The following MDN1 variants were observed in gnomAD, a reference collection of about 807,000 sequenced individuals.
The protein encoded by MDN1 is midasin AAA ATPase 1.
In MDN1, 266 loss-of-function variants were observed where a neutral mutation model predicts 669.2. The ratio of observed to expected loss-of-function variants is 0.40; its 90% CI spans 0.36 to 0.44. The LOEUF is 0.44. MDN1 is among the 20% of genes least tolerant of loss of function. MDN1 has a pLI of 1.00. For synonymous variants in MDN1, 2,385 were observed against 2,457.1 expected, an observed-to-expected ratio of 0.97 and a Z score of 0.87; for missense variants, 5,940 against 6,754.0, an observed-to-expected ratio of 0.88 and a Z score of 4.22.
At chr6:89,706,344 A>G (rs1399276241) in intron 52 of MDN1, 152 bp from the exon 53 acceptor site, 4 of 680,784 alleles carry the variant, frequency 5.9e-6, no homozygotes, top group African/African-American at 3.6e-5. Context: ...TTCTTTGCCT[A>G]CTACAGGTTG....
At chr6:89,818,937 T>G (rs977197127) in intron 1 of MDN1, among the ~76,000 whole-genome samples, 2 of 152,216 alleles carry the variant, frequency 1.3e-5, no homozygotes, top group African/African-American at 4.8e-5. Context: ...ACAGTGAGTA[T>G]GAGCTGTCTT....
chr6:89,685,790 C>T (rs758965584), intron 70 of MDN1, 37 bp downstream of exon 70: 15 of 1,601,444 alleles, frequency 9.4e-6, no homozygotes, highest in South Asian at 3.4e-5. Context: ...TCATTTTAGT[C>T]GTGCAATGTC....
At chr6:89,725,930 T>TACACACACACACACACAC (rs71024397) in intron 37 of MDN1, among the ~76,000 whole-genome samples, 1 of 147,478 alleles carries the variant, frequency 6.8e-6, no homozygotes, top group African/African-American at 2.5e-5. Context: ...TGGTATTTTA[T>TACACACACACACACACAC]ACACACACAC....
intron 35 of MDN1, among the ~76,000 whole-genome samples, chr6:89,730,075 C>A (rs116887248): frequency 0.01 from 1,539 of 152,256 alleles, 14 homozygotes; most frequent in Middle Eastern, 0.034. Context: ...GAAACAACAT[C>A]CTGAAAAAGT....
In MDN1 at chr6:89,693,031, G is replaced by T. The variant is rs1339818334; in HGVS notation, c.9999C>A (p.Tyr3333Ter). 6.2e-7 allele frequency: 1 copy of T among 1,614,210 alleles called. No homozygotes were observed. The change falls in exon 63 of 102, where the codon TAC (tyrosine) becomes TAA (stop). Residue 3333 changes from tyrosine (Y) to a stop codon, truncating the protein, a stop_gained. Coordinates refer to ENST00000369393, the MANE Select transcript of MDN1 (RefSeq NM_014611.3). LOFTEE classifies it high-confidence loss of function. The stretch of plus-strand genomic sequence containing the variant: ...CAGGGGCCTTGGCGATGCTGGTGAC[G>T]TAGTGGTGGATCTCCTGAACCAGGG... ...YESLVQEIHH[Y>*]VTSIAKAPAV...
At chr6:89,753,914 A>C (rs1316809629) in intron 21 of MDN1, among the ~76,000 whole-genome samples, 169 bp downstream of exon 21, 1 of 152,206 alleles carries the variant, frequency 6.6e-6, no homozygotes, top group Non-Finnish European at 1.5e-5. Flanking sequence ...TTTTAAAATA[A>C]AAAGTAAAAT....
At chr6:89,741,345 A>C (rs1002093294) in intron 31 of MDN1, among the ~76,000 whole-genome samples, 20 of 152,118 alleles carry the variant, frequency 1.3e-4, no homozygotes, top group East Asian at 1.9e-4. Context: ...GTAAAAAAAA[A>C]CACAAAAACC....
In MDN1 at chr6:89,674,147, C is replaced by T. The variant is rs367773841; in HGVS notation, c.13204G>A (p.Asp4402Asn). 5 of 1,614,136 alleles carry T rather than the reference C, an allele frequency of 3.1e-6. No individual in the cohort carries two copies. The highest frequency in any genetic ancestry group is 1.7e-5 in the Admixed American group (1 of 60,022). The change falls in exon 79 of 102, where the codon GAC (aspartate) becomes AAC (asparagine). Residue 4402 changes from aspartate (D) to asparagine (N), a missense_variant. This residue lies in a region of MDN1 where 2,280 missense variants were observed against 2,576.3 expected (regional missense o/e 0.88). Transcript: ENST00000369393. ...KTIKTVKADV[D>N]KIRQQSCETL... ...TCACAAGACTGCTGTCTAATTTTGT[C>T]GACGTCAGCTTTCACTGTTTTAATG... is the stretch of plus-strand genomic sequence containing the variant.
intron 90 of MDN1, among the ~76,000 whole-genome samples, chr6:89,657,963 G>A (rs1231575392): frequency 6.6e-6 from 1 of 152,192 alleles, no homozygotes; most frequent in Admixed American, 6.5e-5. Flanking sequence ...TACACGCTAT[G>A]GTGTTCGCAC....
In MDN1 at chr6:89,668,009, C is replaced by T. The variant is rs764530753; in HGVS notation, c.14094+5G>A. 2.5e-5 allele frequency: 41 copies of T among 1,612,904 alleles called. No individual in the cohort carries two copies. The highest frequency in any genetic ancestry group is 1.7e-4 in the Admixed American group (10 of 59,896). ...TGTCAACTGTATACCTATGTGAAAA[C>T]GTACCTGTTCTTCATTTCCGATCTG... On this transcript the variant is annotated splice_donor_5th_base_variant and intron_variant, in intron 84 of 101. Coordinates refer to ENST00000369393, the MANE Select transcript of MDN1 (RefSeq NM_014611.3).
intron 53 of MDN1, among the ~76,000 whole-genome samples, chr6:89,703,884 G>A (rs1388418675): frequency 1.2e-4 from 18 of 151,564 alleles, no homozygotes; most frequent in Admixed American, 3.3e-4. Context: ...GTGGTGGCAC[G>A]CGCCTGTAAT....
chr6:89,788,353 G>A (rs1819078101), intron 7 of MDN1, among the ~76,000 whole-genome samples: 1 of 152,178 alleles, frequency 6.6e-6, no homozygotes, highest in Admixed American at 6.5e-5. Context: ...TTAGAAGCAG[G>A]GCAGTGAAGT....
rs116708537 is a variant in MDN1, at chr6:89,733,454, G to C, written c.4724-679C>G. On this transcript the variant is annotated intron_variant, in intron 33 of 101. Transcript: ENST00000369393. ...TATAAAACGTCTTAAGTCAACAACAGTAGACATTTATCTCTAAAGTATGAA... is the reference window on the plus strand; with the variant it reads ...TATAAAACGTCTTAAGTCAACAACACTAGACATTTATCTCTAAAGTATGAA... Among the ~76,000 whole-genome samples the C allele has an allele frequency of 1.7e-3, 264 of 151,820 alleles. 1 individual carries two copies. The highest frequency in any genetic ancestry group is 5.9e-3 in the African/African-American group (243 of 41,494).
At chr6:89,692,259 T>C (rs1812422032) in intron 63 of MDN1, among the ~76,000 whole-genome samples, 184 bp downstream of exon 63, 1 of 152,060 alleles carries the variant, frequency 6.6e-6, no homozygotes, top group Non-Finnish European at 1.5e-5. Flanking sequence ...TCTTAAAAAT[T>C]GAGAGGCAAA....
chr6:89,730,373 T>A (rs988404604), intron 35 of MDN1, among the ~76,000 whole-genome samples: 3 of 152,234 alleles, frequency 2.0e-5, no homozygotes, highest in African/African-American at 4.8e-5. Flanking sequence ...ATAGTTAAGA[T>A]ACATTATAGG....
rs1400507892 is a variant in MDN1 at position 89,675,978 on chromosome 6, T to C, written c.12645+124A>G. ...TTATATTTTAAGTTTAAGGATGTAC[T>C]GCAAAAAGCTCAGTTCCACTAACAG... On this transcript the variant is annotated intron_variant, in intron 77 of 101. Transcript: ENST00000369393. The C allele has an allele frequency of 2.6e-5, 20 of 780,978 alleles. No individual in the cohort carries two copies. In the East Asian group the frequency reaches 5.0e-4, roughly 20 times the overall value. 48.4% of individuals were successfully genotyped at this position (780,978 alleles called of 1,614,324 possible). A position where few individuals can be genotyped will look rare whatever the true frequency, so the allele number is the denominator to read the frequency against.
chr6:89,674,676 G>A, intron 78 of MDN1, 87 bp from the exon 79 acceptor site: 1 of 1,473,308 alleles, frequency 6.8e-7, no homozygotes, highest in East Asian at 2.3e-5. Flanking sequence ...TTGTGTTTCT[G>A]AACAAGCATG....
chr6:89,788,563 A>G (rs1819088800), intron 7 of MDN1, among the ~76,000 whole-genome samples: 1 of 152,194 alleles, frequency 6.6e-6, no homozygotes, highest in African/African-American at 2.4e-5. Flanking sequence ...CAGCAGAAAG[A>G]TGTAAGGCTT....
chr6:89,704,793 G>A (rs556494967), intron 53 of MDN1, among the ~76,000 whole-genome samples: 3 of 152,274 alleles, frequency 2.0e-5, no homozygotes, highest in Admixed American at 6.5e-5. Flanking sequence ...TGTTAGCCAG[G>A]ATGGCCTTGA....
Sources: allele counts gnomAD v4.1 joint callset (sites outside exome capture counted in the v4.1 genomes callset), GRCh38; gene constraint gnomAD v4.1.1; regional missense constraint gnomAD v4.1.1; transcripts MANE v1.5; gene names NCBI Gene and HGNC (gene_info 2026-07-23, HGNC 2026-07-21).